ZBP1: variants seen among roughly 807,000 people sequenced by gnomAD.
ZBP1 encodes Z-DNA-binding protein 1.
Under a neutral mutation model 41.1 loss-of-function variants are expected in ZBP1, and 42 were observed. That is an observed-to-expected ratio of 1.02 (90% CI 0.80 to 1.32). The LOEUF (loss-of-function observed/expected upper bound fraction) is 1.32. Among genes scored for constraint, ZBP1 ranks in the 40% most tolerant of loss-of-function variants. ZBP1 has a pLI of 0.00. For missense variants in ZBP1, 562 were observed against 549.7 expected (o/e 1.02, Z -0.22); for synonymous variants, 214 against 205.2 (o/e 1.04, Z -0.37).
chr20:57,604,915 C>T (rs903677130), intron 7 of ZBP1, 146 bp from the exon 8 acceptor site: 2 of 772,466 alleles, frequency 2.6e-6, no homozygotes, highest in Non-Finnish European at 2.1e-6. Context: ...AACAGGGAGC[C>T]CCACCTTTTC....
intron 1 of ZBP1, 83 bp from the exon 2 acceptor site, chr20:57,616,551 G>T: frequency 6.8e-7 from 1 of 1,466,642 alleles, no homozygotes; most frequent in South Asian, 1.2e-5. Flanking sequence ...GCTCCAGGAG[G>T]CACGTAGGCC....
chr20:57,618,747 G>C (rs989047606), intron 1 of ZBP1, among the ~76,000 whole-genome samples: 1 of 152,114 alleles, frequency 6.6e-6, no homozygotes, highest in Non-Finnish European at 1.5e-5. Flanking sequence ...ACACCCGGCT[G>C]ATTTTTGTAT....
chr20:57,618,876 T>G (rs1354649692), intron 1 of ZBP1, among the ~76,000 whole-genome samples: 1 of 152,170 alleles, frequency 6.6e-6, no homozygotes, highest in African/African-American at 2.4e-5. Flanking sequence ...CCACTGCGCC[T>G]GGCCGCAGTT....
At position 57,610,141 on chromosome 20, in the gene ZBP1, T is replaced by A; in HGVS notation, c.1093+8A>T. On this transcript the variant is annotated splice_region_variant and intron_variant, in intron 7 of 7. Transcript: ENST00000371173. This position sits in a 1 kb window ranked among gnomAD's most constrained non-coding sequence, Gnocchi z 5.5. Reference sequence around the variant, plus strand: ...ACACACAGGGGTCCACTCTGCCCCCTAGCTCACCTGCGTCCTCCCCTGGCT... The same window carrying A: ...ACACACAGGGGTCCACTCTGCCCCCAAGCTCACCTGCGTCCTCCCCTGGCT... The A allele has an allele frequency of 6.2e-7, 1 of 1,612,784 alleles. No homozygotes were observed.
rs1600739401 is a variant in ZBP1, at chr20:57,614,761, G to A, written c.502+126C>T. 1.0e-5 allele frequency: 13 copies of A among 1,283,392 alleles called. No individual in the cohort carries two copies. In the East Asian group the frequency reaches 3.0e-4, roughly 30 times the overall value. 79.5% of individuals were successfully genotyped at this position (1,283,392 alleles called of 1,614,324 possible). Reference sequence around the variant, plus strand: ...CTCCTGGAAGCCCTTGCAGTGAATTGTCGGTAGGACCTCCAGAAGCTTCTA... The same window carrying A: ...CTCCTGGAAGCCCTTGCAGTGAATTATCGGTAGGACCTCCAGAAGCTTCTA... On this transcript the variant is annotated intron_variant, in intron 4 of 7. Transcript: ENST00000371173.
At position 57,613,037 on chromosome 20, in the gene ZBP1, G is replaced by A. The variant is rs1480646373; in HGVS notation, c.670+126C>T. 1.3e-6 allele frequency: 2 copies of A among 1,526,826 alleles called. No individual in the cohort carries two copies. The highest frequency in any genetic ancestry group is 2.7e-5 in the African/African-American group (2 of 72,884). 94.6% of individuals were successfully genotyped at this position (1,526,826 alleles called of 1,614,324 possible). On this transcript the variant is annotated intron_variant, in intron 5 of 7. Transcript: ENST00000371173. This position sits in a 1 kb window ranked among gnomAD's most constrained non-coding sequence, Gnocchi z 4.5. ...CCGTAAAGGTGGACTGTGGGGGTCT[G>A]GAAGCAACCCTTTCCCCTTGGAGGG...
chr20:57,620,239 C>T (rs2070973156), intron 1 of ZBP1, 23 bp downstream of exon 1: 1 of 1,577,846 alleles, frequency 6.3e-7, no homozygotes, highest in Non-Finnish European at 8.6e-7. Flanking sequence ...ACCGCTGGTC[C>T]TTGGAAGGAA....
chr20:57,619,836 A>ATT (rs940213839), intron 1 of ZBP1, among the ~76,000 whole-genome samples: 17 of 134,228 alleles, frequency 1.3e-4, no homozygotes, highest in Admixed American at 3.0e-4. Flanking sequence ...GTCCCTTTCT[A>ATT]TTTTTTTTTT....
At chr20:57,616,769 G>A in intron 1 of ZBP1, 1 of 443,750 alleles carries the variant, frequency 2.3e-6, no homozygotes, top group Non-Finnish European at 4.2e-6. Context: ...GGGTTCCTCA[G>A]CTCTCAGGTG....
chr20:57,609,602 CT>C (rs1034677921), intron 7 of ZBP1, among the ~76,000 whole-genome samples: 1 of 151,902 alleles, frequency 6.6e-6, no homozygotes, highest in African/African-American at 2.4e-5. Context: ...CGACTCAGCA[CT>C]GAGGTAAAAG....
Position 57,615,074 on chromosome 20 carries a change from T to C in ZBP1, c.329-14A>G. 6.2e-7 allele frequency: 1 copy of C among 1,614,046 alleles called. No individual in the cohort carries two copies. Among genetic ancestry groups the C allele is most frequent in the Non-Finnish European group, 8.5e-7 (1 of 1,179,932 alleles). ...AGATGTCTTCCTCTGGGAGGCAGGATGGCCAGGTGGTTAGGGAGTAGTCCT... is the reference window on the plus strand; with the variant it reads ...AGATGTCTTCCTCTGGGAGGCAGGACGGCCAGGTGGTTAGGGAGTAGTCCT... On this transcript the variant is annotated splice_polypyrimidine_tract_variant and intron_variant, in intron 3 of 7. Coordinates refer to ENST00000371173, the MANE Select transcript of ZBP1 (RefSeq NM_030776.3).
chr20:57,603,990 C>G lies in ZBP1; in HGVS notation c.*583G>C, dbSNP rs1358776416. The stretch of plus-strand genomic sequence containing the variant: ...TCACACCATTCTCCTCCCTCAGCCT[C>G]CGGAGTAGCTGGGACTCCAGGTGCC... On this transcript the variant is annotated 3_prime_UTR_variant, in exon 8 of 8. Transcript: ENST00000371173. The surrounding 1 kb of genome is among the most constrained non-coding windows in gnomAD (Gnocchi z 4.6). 1 of 185,160 alleles carries G rather than the reference C, an allele frequency of 5.4e-6. No homozygotes were observed. The highest frequency in any genetic ancestry group is 6.2e-5 in the Admixed American group (1 of 16,022). The allele number at this position is 185,160 out of a possible 1,614,324, so 11.5% of individuals were successfully genotyped here.
In ZBP1 at chr20:57,610,175, C is replaced by G. The variant is rs77921447; in HGVS notation, c.1067G>C (p.Gly356Ala). ...VAGPGGVAGS[G>A]EGEPGEDAGR... ...TGCGTCCTCCCCTGGCTCCCCCTCT[C>G]CAGACCCTGCGACTCCTCCTGGGCC... Residue 356 changes from glycine to alanine, a missense_variant, in exon 7 of 8, where the codon GGA (glycine) becomes GCA (alanine). Physicochemically the swap from Gly to Ala is moderately conservative, Grantham distance 60. Coordinates refer to ENST00000371173, the MANE Select transcript of ZBP1 (RefSeq NM_030776.3). This position sits in a 1 kb window ranked among gnomAD's most constrained non-coding sequence, Gnocchi z 5.5. 1.5e-5 allele frequency: 24 copies of G among 1,613,970 alleles called. No homozygotes were observed. The highest frequency in any genetic ancestry group is 3.3e-4 in the Middle Eastern group (2 of 6,008).
chr20:57,614,310 C>T (rs367669348), intron 4 of ZBP1, among the ~76,000 whole-genome samples: 7 of 152,150 alleles, frequency 4.6e-5, no homozygotes, highest in East Asian at 1.9e-4. Context: ...GGATTACAGG[C>T]GTGAGCAACC....
At position 57,610,161 on chromosome 20, in the gene ZBP1, C is replaced by T. The variant is rs1568929333; in HGVS notation, c.1081G>A (p.Gly361Arg). 1 of 1,613,900 alleles carries T rather than the reference C, an allele frequency of 6.2e-7. No individual in the cohort carries two copies. The highest frequency in any genetic ancestry group is 1.7e-5 in the Admixed American group (1 of 60,016). The change falls in exon 7 of 8, where the codon GGG becomes AGG. Residue 361 changes from glycine (G) to arginine (R), a missense_variant. By Grantham distance (125) the Gly-to-Arg change is moderately radical (BLOSUM62 -2). Coordinates refer to ENST00000371173, the MANE Select transcript of ZBP1 (RefSeq NM_030776.3). This position sits in a 1 kb window ranked among gnomAD's most constrained non-coding sequence, Gnocchi z 5.5. ...CCCCCTAGCTCACCTGCGTCCTCCCCTGGCTCCCCCTCTCCAGACCCTGCG... is the reference window on the plus strand; with the variant it reads ...CCCCCTAGCTCACCTGCGTCCTCCCTTGGCTCCCCCTCTCCAGACCCTGCG... ...GVAGSGEGEP[G>R]EDAGRRPADT...
At chr20:57,608,323 C>A (rs932955871) in intron 7 of ZBP1, among the ~76,000 whole-genome samples, 1 of 152,190 alleles carries the variant, frequency 6.6e-6, no homozygotes. Context: ...AGGGTTTCAC[C>A]GTGTTAGCCA....
chr20:57,613,346 C>T lies in ZBP1; in HGVS notation c.503-16G>A, dbSNP rs780459366. The T allele has an allele frequency of 6.2e-7, 1 of 1,609,194 alleles. No individual in the cohort carries two copies. Among genetic ancestry groups the T allele is most frequent in the Non-Finnish European group, 8.5e-7 (1 of 1,179,298 alleles). ...CCAGAATCTTCTGCAAAATAATATT[C>T]AACTGTATCCCTTTGCCACTGTCTA... On this transcript the variant is annotated splice_polypyrimidine_tract_variant and intron_variant, in intron 4 of 7. Coordinates refer to ENST00000371173, the MANE Select transcript of ZBP1 (RefSeq NM_030776.3). This position sits in a 1 kb window ranked among gnomAD's most constrained non-coding sequence, Gnocchi z 4.5.
intron 1 of ZBP1, chr20:57,618,067 T>C (rs182007669): frequency 1.3e-5 from 2 of 152,398 alleles, no homozygotes; most frequent in African/African-American, 4.8e-5. Context: ...GAGGCAGCTC[T>C]TAAAAATCAA....
chr20:57,612,950 A>G, intron 5 of ZBP1: 2 of 1,374,302 alleles, frequency 1.5e-6, no homozygotes, highest in Non-Finnish European at 1.9e-6. Context: ...ATGAGGTAGA[A>G]AGTATCAGAG....
Sources: gnomAD v4.1 joint callset for allele counts (sites outside exome capture counted in the v4.1 genomes callset) on GRCh38, gnomAD v4.1.1 for gene constraint, Gnocchi (gnomAD v3.1) non-coding constraint, MANE v1.5 for transcripts, NCBI Gene and HGNC (gene_info 2026-07-23, HGNC 2026-07-21) for gene names.